Variants in PITPNM2 observed in about 807,000 individuals in gnomAD.
The protein encoded by PITPNM2 is phosphatidylinositol transfer protein membrane associated 2.
A neutral mutation model predicts 132.2 loss-of-function variants in PITPNM2; 35 were observed. The ratio of observed to expected loss-of-function variants is 0.26; its 90% CI spans 0.20 to 0.35. The LOEUF (loss-of-function observed/expected upper bound fraction) is 0.35. PITPNM2 is among the 10% of genes least tolerant of loss of function. The probability of loss-of-function intolerance (pLI) is 1.00; values close to 1 mark genes in which losing one functional copy is unlikely to be tolerated. For missense variants in PITPNM2, 1,332 were observed against 1,912.0 expected (o/e 0.70, Z 5.66); for synonymous variants, 738 against 799.2 (o/e 0.92, Z 1.29).
At chr12:123,105,465 C>G (rs904277472) in intron 2 of PITPNM2, 1 of 152,144 alleles carries the variant, frequency 6.6e-6, no homozygotes, top group African/African-American at 2.4e-5. Context: ...ATCTCAGGAA[C>G]CCCTCAGAGA....
At chr12:123,024,298 A>T (rs1012599808) in intron 3 of PITPNM2, among the ~76,000 whole-genome samples, 2 of 152,198 alleles carry the variant, frequency 1.3e-5, no homozygotes, top group African/African-American at 4.8e-5. Flanking sequence ...GGTGTGGAGC[A>T]ATGGAACCCT....
At position 122,992,422 on chromosome 12, in the gene PITPNM2, C is replaced by T. The variant is rs887879694; in HGVS notation, c.2404+77G>A. On this transcript the variant is annotated intron_variant, in intron 16 of 25. Transcript: ENST00000320201. This position sits in a 1 kb window ranked among gnomAD's most constrained non-coding sequence, Gnocchi z 6.5. ...TCTCACCTGGGGAAGAACCACGTAG[C>T]ATGGAGGACCTAGGAGCCAGGGAGC... 5.4e-6 allele frequency: 8 copies of T among 1,487,722 alleles called. No individual in the cohort carries two copies. In the Admixed American group the frequency reaches 6.4e-5, roughly 12 times the overall value. 92.2% of individuals were successfully genotyped at this position (1,487,722 alleles called of 1,614,324 possible). A position where few individuals can be genotyped will look rare whatever the true frequency, so the allele number is the denominator to read the frequency against.
chr12:123,015,898 T>C (rs1242805067), intron 3 of PITPNM2, among the ~76,000 whole-genome samples: 1 of 152,106 alleles, frequency 6.6e-6, no homozygotes, highest in Non-Finnish European at 1.5e-5. Context: ...ACTCCTAAAC[T>C]CAACAACAAA....
At position 123,099,483 on chromosome 12, in the gene PITPNM2, G is replaced by A. The variant is rs1014488526; in HGVS notation, c.-96+10902C>T. Among the ~76,000 whole-genome samples the A allele has an allele frequency of 6.6e-6, 1 of 152,188 alleles. No individual in the cohort carries two copies. Among genetic ancestry groups the A allele is most frequent in the East Asian group, 1.9e-4 (1 of 5,190 alleles). The stretch of plus-strand genomic sequence containing the variant: ...CCTGTGGGCTGACGAAGCCCTGGGG[G>A]CTCTGGGCCCTACCTGCAGCACTGG... On this transcript the variant is annotated intron_variant, in intron 2 of 25. Transcript: ENST00000320201. The surrounding 1 kb of genome is among the most constrained non-coding windows in gnomAD (Gnocchi z 4.2).
chr12:123,135,356 T>G (rs573444509), intron 1 of PITPNM2, among the ~76,000 whole-genome samples: 1 of 149,904 alleles, frequency 6.7e-6, no homozygotes, highest in South Asian at 2.1e-4. Flanking sequence ...TTTTAAAAAT[T>G]TTACTGTGAT....
chr12:123,119,330 C>T (rs2042989103), intron 1 of PITPNM2, among the ~76,000 whole-genome samples: 1 of 149,676 alleles, frequency 6.7e-6, no homozygotes, highest in Admixed American at 6.6e-5. Context: ...AGGCTGTGCT[C>T]TATCTAGAAG....
upstream of PITPNM2, among the ~76,000 whole-genome samples, chr12:123,151,716 GC>G (rs931383142): frequency 1.3e-5 from 2 of 152,194 alleles, no homozygotes; most frequent in African/African-American, 4.8e-5. Flanking sequence ...AATGGGAAGA[GC>G]CCCCGGTGGG....
At position 123,022,027 on chromosome 12, in the gene PITPNM2, C is replaced by T. The variant is rs1486249944; in HGVS notation, c.79-7985G>A. ...AGCAAGGAGAGTGGCAGGGGAATCG[C>T]CATGGCTCCAAAGCCAGATGTCTCC... On this transcript the variant is annotated intron_variant, in intron 3 of 25. Coordinates refer to ENST00000320201, the MANE Select transcript of PITPNM2 (RefSeq NM_020845.3). The surrounding 1 kb of genome is among the most constrained non-coding windows in gnomAD (Gnocchi z 4.9). Among the ~76,000 whole-genome samples, 1 of 152,174 alleles carries T rather than the reference C, an allele frequency of 6.6e-6. No individual in the cohort carries two copies. Among genetic ancestry groups the T allele is most frequent in the Non-Finnish European group, 1.5e-5 (1 of 68,030 alleles).
chr12:122,988,245 C>A lies in PITPNM2; in HGVS notation c.2986G>T (p.Val996Leu), dbSNP rs549992144. Residue 996 changes from valine (V) to leucine (L), a missense_variant, in exon 20 of 26, where the codon GTG becomes TTG. Physicochemically the swap from Val to Leu is conservative, Grantham distance 32. Transcript: ENST00000320201. ...CGGGGGACCCTCACCCGCAGCTTCA[C>A]GTGGGTCCGCTTGCGCTGCCACTTC... ...REKWQRKRTH[V>L]KLRNVTANHR... is the part of the protein sequence containing the mutation. 6.2e-7 allele frequency: 1 copy of A among 1,612,666 alleles called. No homozygotes were observed. The highest frequency in any genetic ancestry group is 8.5e-7 in the Non-Finnish European group (1 of 1,179,886).
intron 2 of PITPNM2, among the ~76,000 whole-genome samples, chr12:123,109,744 A>G (rs1180102012): frequency 6.6e-6 from 1 of 152,208 alleles, no homozygotes; most frequent in Non-Finnish European, 1.5e-5. Flanking sequence ...CCTCAAGAGC[A>G]AACAGAAAAG....
chr12:123,047,115 A>C (rs1430279772), intron 2 of PITPNM2, among the ~76,000 whole-genome samples: 1 of 152,250 alleles, frequency 6.6e-6, no homozygotes, highest in Admixed American at 6.5e-5. Flanking sequence ...GAAAGCCCCC[A>C]AAATTTAAGC....
At chr12:122,991,794 G>A in intron 16 of PITPNM2, 1 of 1,299,594 alleles carries the variant, frequency 7.7e-7, no homozygotes, top group Non-Finnish European at 9.8e-7. Context: ...TGCCAGGTGG[G>A]CGCGGGAACA....
At chr12:123,006,423 A>G (rs2038936753) in intron 6 of PITPNM2, among the ~76,000 whole-genome samples, 2 of 151,948 alleles carry the variant, frequency 1.3e-5, no homozygotes, top group African/African-American at 4.8e-5. Flanking sequence ...TTAAAGGGCC[A>G]GGCATGGTAG....
intron 2 of PITPNM2, among the ~76,000 whole-genome samples, chr12:123,107,856 G>C (rs1466887341): frequency 6.6e-6 from 1 of 152,180 alleles, no homozygotes; most frequent in African/African-American, 2.4e-5. Context: ...AGGTTCCCAG[G>C]TCAACAGCAG....
intron 1 of PITPNM2, among the ~76,000 whole-genome samples, chr12:123,138,233 G>A (rs1474383727): frequency 1.3e-5 from 2 of 152,100 alleles, no homozygotes; most frequent in East Asian, 3.9e-4. Flanking sequence ...GATCGCTTGA[G>A]CTCAGGAGTT....
At chr12:123,069,110 A>T (rs2041542144) in intron 2 of PITPNM2, among the ~76,000 whole-genome samples, 1 of 152,036 alleles carries the variant, frequency 6.6e-6, no homozygotes, top group South Asian at 2.1e-4. Flanking sequence ...AAAATTAGCC[A>T]GAAGTGGTGG....
chr12:123,027,944 C>T (rs141839136), intron 3 of PITPNM2, among the ~76,000 whole-genome samples: 83 of 152,356 alleles, frequency 5.4e-4, no homozygotes, highest in African/African-American at 1.9e-3. Flanking sequence ...TCGAATCACT[C>T]TGATCTCTGC....
At chr12:123,059,026 C>T (rs560727559) in intron 2 of PITPNM2, among the ~76,000 whole-genome samples, 42 of 152,320 alleles carry the variant, frequency 2.8e-4, no homozygotes, top group African/African-American at 7.2e-4. Flanking sequence ...AGGGCCAAGC[C>T]CACAGCGAGG....
At chr12:123,087,615 T>TC (rs1301333887) in intron 2 of PITPNM2, 1 of 152,040 alleles carries the variant, frequency 6.6e-6, no homozygotes, top group Admixed American at 6.6e-5. Flanking sequence ...ATACAGAATT[T>TC]CTTTTTTTTC....
Sources: gnomAD v4.1 joint callset for allele counts (sites outside exome capture counted in the v4.1 genomes callset) on GRCh38, gnomAD v4.1.1 for gene constraint, Gnocchi (gnomAD v3.1) non-coding constraint, MANE v1.5 for transcripts, NCBI Gene and HGNC (gene_info 2026-07-23, HGNC 2026-07-21) for gene names.